WNT9A: variants seen among roughly 807,000 people sequenced by gnomAD.
WNT9A encodes the protein Wnt family member 9A, also known as protein Wnt-9a.
WNT9A carries 8 observed loss-of-function variants against 31.4 expected under a neutral mutation model. The observed-to-expected ratio is 0.26, with a 90% CI of 0.15 to 0.46. WNT9A has a LOEUF of 0.46. WNT9A is among the 20% of genes least tolerant of loss of function. WNT9A has a pLI of 0.99. For synonymous variants in WNT9A, 236 were observed against 220.1 expected, an observed-to-expected ratio of 1.07 and a Z score of -0.64; for missense variants, 457 against 522.9, an observed-to-expected ratio of 0.87 and a Z score of 1.23.
chr1:227,946,568 G>C (rs1666796587), intron 1 of WNT9A, among the ~76,000 whole-genome samples: 1 of 152,240 alleles, frequency 6.6e-6, no homozygotes, highest in Admixed American at 6.5e-5. Context: ...GCGGGTGGGG[G>C]CCCCAGGGAA....
Position 227,925,546 on chromosome 1 carries a change from C to A in WNT9A, c.96-27G>T, listed in dbSNP as rs2102719291. 7 of 1,485,892 alleles carry A rather than the reference C, an allele frequency of 4.7e-6. No individual in the cohort carries two copies. In the East Asian group the frequency reaches 1.2e-4, roughly 26 times the overall value. 92.0% of individuals were successfully genotyped at this position (1,485,892 alleles called of 1,614,324 possible). A position where few individuals can be genotyped will look rare whatever the true frequency, so the allele number is the denominator to read the frequency against. On this transcript the variant is annotated intron_variant, in intron 1 of 3. Transcript: ENST00000272164. The surrounding 1 kb of genome is among the most constrained non-coding windows in gnomAD (Gnocchi z 6.0). ...TGGGCACAGAGAGGCCAGCATGAGC[C>A]CGGCCCCAGGAAGCCCTGCTGGAGC...
In WNT9A at chr1:227,921,248, A is replaced by G; in HGVS notation, c.*270T>C. On this transcript the variant is annotated 3_prime_UTR_variant, in exon 4 of 4. Coordinates refer to ENST00000272164, the MANE Select transcript of WNT9A (RefSeq NM_003395.4). ...CAGGGCTGACTGGGCCCAGGGATTCAGCCTTGGCAGGTGTAGGCCCATTCA... is the reference window on the plus strand; with the variant it reads ...CAGGGCTGACTGGGCCCAGGGATTCGGCCTTGGCAGGTGTAGGCCCATTCA... 1 of 470,848 alleles carries G rather than the reference A, an allele frequency of 2.1e-6. No individual in the cohort carries two copies. The highest frequency in any genetic ancestry group is 3.7e-6 in the Non-Finnish European group (1 of 266,998). The allele number at this position is 470,848 out of a possible 1,614,324, so 29.2% of individuals were successfully genotyped here. A position where few individuals can be genotyped will look rare whatever the true frequency, so the allele number is the denominator to read the frequency against.
At chr1:227,946,293 C>T (rs930201340) in intron 1 of WNT9A, among the ~76,000 whole-genome samples, 1 of 152,234 alleles carries the variant, frequency 6.6e-6, no homozygotes, top group African/African-American at 2.4e-5. Flanking sequence ...AGCGCCACCC[C>T]GTCTCCAGGA....
In WNT9A at chr1:227,921,603, G is replaced by A; in HGVS notation, c.1013C>T (p.Pro338Leu). 1 of 1,613,510 alleles carries A rather than the reference G, an allele frequency of 6.2e-7. No individual in the cohort carries two copies. The highest frequency in any genetic ancestry group is 8.5e-7 in the Non-Finnish European group (1 of 1,179,996). The stretch of plus-strand genomic sequence containing the variant: ...GCACCAACGCACCTGGCACTGGCAG[G>A]GCCTTGTCACCACCCGGCTCTGTGT... ...HNTQSRVVTR[P>L]CQCQVRWCCY... The change falls in exon 4 of 4, where the codon CCC (proline) becomes CTC (leucine). Residue 338 changes from proline to leucine, a missense_variant. Coordinates refer to ENST00000272164, the MANE Select transcript of WNT9A (RefSeq NM_003395.4).
chr1:227,923,016 T>G (rs752421032), intron 3 of WNT9A, among the ~76,000 whole-genome samples: 4 of 152,166 alleles, frequency 2.6e-5, no homozygotes, highest in Non-Finnish European at 4.4e-5. Flanking sequence ...CGACTTCTCA[T>G]TAATCTCTTA....
chr1:227,935,036 CCA>C (rs1354677131), intron 1 of WNT9A, among the ~76,000 whole-genome samples: 2 of 142,978 alleles, frequency 1.4e-5, no homozygotes, highest in African/African-American at 4.9e-5. Context: ...CCTCAGTTCA[CCA>C]CAGAGTCTGA....
chr1:227,939,599 A>C (rs1666657698), intron 1 of WNT9A, among the ~76,000 whole-genome samples: 1 of 152,106 alleles, frequency 6.6e-6, no homozygotes, highest in Non-Finnish European at 1.5e-5. Flanking sequence ...TCCCAGCACA[A>C]TAGACAGGAA....
intron 1 of WNT9A, among the ~76,000 whole-genome samples, chr1:227,927,476 C>T (rs1488467504): frequency 6.6e-6 from 1 of 152,168 alleles, no homozygotes; most frequent in East Asian, 1.9e-4. Flanking sequence ...AGGCAGGTCC[C>T]CTCAAATGCC....
intron 1 of WNT9A, among the ~76,000 whole-genome samples, chr1:227,945,965 C>T (rs1172673420): frequency 6.6e-6 from 1 of 152,198 alleles, no homozygotes; most frequent in Non-Finnish European, 1.5e-5. Context: ...TCCTAGCTGC[C>T]CTCTGCAATG....
intron 1 of WNT9A, among the ~76,000 whole-genome samples, chr1:227,941,421 AC>A (rs1389665365): frequency 6.6e-6 from 1 of 151,550 alleles, no homozygotes; most frequent in African/African-American, 2.4e-5. Context: ...ATCTGAAGAG[AC>A]CCCACGGGAA....
intron 1 of WNT9A, among the ~76,000 whole-genome samples, chr1:227,943,433 G>A (rs988689951): frequency 6.6e-6 from 1 of 152,232 alleles, no homozygotes; most frequent in African/African-American, 2.4e-5. Context: ...AACAGGCAAA[G>A]GAGCTGCATG....
intron 1 of WNT9A, among the ~76,000 whole-genome samples, chr1:227,933,593 T>C (rs535125261): frequency 1.4e-3 from 211 of 152,322 alleles, no homozygotes; most frequent in Non-Finnish European, 2.6e-3. Flanking sequence ...ATTCTTCACT[T>C]TAAAGTGAGG....
At chr1:227,946,918 C>A (rs761489232) in intron 1 of WNT9A, among the ~76,000 whole-genome samples, 7 of 152,188 alleles carry the variant, frequency 4.6e-5, no homozygotes, top group Non-Finnish European at 7.4e-5. Context: ...CCAGCCAGGG[C>A]TCCCAGCGGC....
Position 227,925,344 on chromosome 1 carries a change from G to A in WNT9A, c.271C>T (p.Leu91Phe), listed in dbSNP as rs761191776. The stretch of plus-strand genomic sequence containing the variant: ...AAGCGGAACTGGAACTGGCACTCGA[G>A]CGCACTCATGCTCACGGCCTCCACC... ...TLVEAVSMSA[L>F]ECQFQFRFER... Residue 91 changes from leucine to phenylalanine, a missense_variant, in exon 2 of 4, where the codon CTC becomes TTC. Coordinates refer to ENST00000272164, the MANE Select transcript of WNT9A (RefSeq NM_003395.4). This position sits in a 1 kb window ranked among gnomAD's most constrained non-coding sequence, Gnocchi z 6.0. The A allele has an allele frequency of 4.3e-6, 7 of 1,610,788 alleles. No individual in the cohort carries two copies. The highest frequency in any genetic ancestry group is 2.7e-5 in the African/African-American group (2 of 74,876).
At position 227,926,011 on chromosome 1, in the gene WNT9A, G is replaced by A. The variant is rs1177162105; in HGVS notation, c.96-492C>T. 3.3e-5 allele frequency among the ~76,000 whole-genome samples: 5 copies of A among 152,066 alleles called. No homozygotes were observed. The highest frequency in any genetic ancestry group is 1.5e-5 in the Non-Finnish European group (1 of 67,976). ...ACCCTCTGCCATGACCTGCTGGGAT[G>A]TCTACAGTCCTGTGGCCCCCTGCAG... On this transcript the variant is annotated intron_variant, in intron 1 of 3. Coordinates refer to ENST00000272164, the MANE Select transcript of WNT9A (RefSeq NM_003395.4). This position sits in a 1 kb window ranked among gnomAD's most constrained non-coding sequence, Gnocchi z 5.0.
chr1:227,922,695 C>T (rs1666343913), intron 3 of WNT9A, among the ~76,000 whole-genome samples: 1 of 152,172 alleles, frequency 6.6e-6, no homozygotes, highest in African/African-American at 2.4e-5. Flanking sequence ...GGGCCAGGCA[C>T]CCACAATCCA....
chr1:227,934,191 C>T (rs141452840), intron 1 of WNT9A, among the ~76,000 whole-genome samples: 1 of 152,338 alleles, frequency 6.6e-6, no homozygotes, highest in Non-Finnish European at 1.5e-5. Context: ...TTTCACTTCT[C>T]TTGGGTATAC....
chr1:227,929,231 A>G (rs1666470133), intron 1 of WNT9A, among the ~76,000 whole-genome samples: 1 of 152,168 alleles, frequency 6.6e-6, no homozygotes, highest in African/African-American at 2.4e-5. Context: ...AGAACTGGAG[A>G]CCAGCCCAGG....
At position 227,924,145 on chromosome 1, in the gene WNT9A, C is replaced by T; in HGVS notation, c.608G>A (p.Gly203Asp). ...CAGCCCCACCCCACTTGCCTTCACA[C>T]CCACGAGGTTGTTGTGGAAGTCCAC... ...ARVDFHNNLVGVKVIKAGVET... is the reference protein window; with the variant it reads ...ARVDFHNNLVDVKVIKAGVET... The change falls in exon 3 of 4, where the codon GGT (glycine) becomes GAT (aspartate). Residue 203 changes from glycine to aspartate, a missense_variant. Gly to Asp is a moderately conservative substitution (Grantham distance 94). Transcript: ENST00000272164. The T allele has an allele frequency of 7.0e-7, 1 of 1,431,762 alleles. No homozygotes were observed. Among genetic ancestry groups the T allele is most frequent in the Non-Finnish European group, 9.4e-7 (1 of 1,062,454 alleles). 88.7% of individuals were successfully genotyped at this position (1,431,762 alleles called of 1,614,324 possible).
Sources: gnomAD v4.1 joint callset for allele counts (sites outside exome capture counted in the v4.1 genomes callset) on GRCh38, gnomAD v4.1.1 for gene constraint, Gnocchi (gnomAD v3.1) non-coding constraint, MANE v1.5 for transcripts, NCBI Gene and HGNC (gene_info 2026-07-23, HGNC 2026-07-21) for gene names.